The following TP73 variants were observed in gnomAD, a reference collection of about 807,000 sequenced individuals.
TP73 encodes p53-like transcription factor.
In TP73, 25 loss-of-function variants were observed where a neutral mutation model predicts 62.5. The ratio of observed to expected loss-of-function variants is 0.40; its 90% CI spans 0.29 to 0.56. The LOEUF (loss-of-function observed/expected upper bound fraction) is 0.56, where lower values mean the gene tolerates loss of function less well. Ranked by LOEUF, TP73 falls within the 20% of genes least tolerant of loss-of-function variation. TP73 has a pLI of 0.46. For synonymous variants in TP73, 423 were observed against 377.5 expected (o/e 1.12, Z -1.40); for missense variants, 754 against 913.3 (o/e 0.83, Z 2.25).
chr1:3,668,230 C>T (rs1402214249), intron 1 of TP73, among the ~76,000 whole-genome samples: 3 of 152,204 alleles, frequency 2.0e-5, no homozygotes, highest in East Asian at 3.9e-4. Context: ...CCCATGGATA[C>T]ACTTTCCAAA....
At chr1:3,708,046 C>T (rs551824130) in intron 4 of TP73, 9 of 589,158 alleles carry the variant, frequency 1.5e-5, no homozygotes, top group Admixed American at 3.1e-5. Context: ...CGGACTTGGC[C>T]CTGCTGGTGA....
chr1:3,667,857 G>A (rs1451181250), intron 1 of TP73, among the ~76,000 whole-genome samples: 1 of 152,342 alleles, frequency 6.6e-6, no homozygotes, highest in Non-Finnish European at 1.5e-5. Flanking sequence ...TAGGGCAGGG[G>A]AGTTCAGGAA....
chr1:3,667,488 C>A (rs527270378), intron 1 of TP73, among the ~76,000 whole-genome samples: 1 of 152,206 alleles, frequency 6.6e-6, no homozygotes, highest in Non-Finnish European at 1.5e-5. Context: ...CGGTGGCTCA[C>A]GCTTGCAATC....
intron 4 of TP73, among the ~76,000 whole-genome samples, chr1:3,713,229 T>G (rs1640307339): frequency 6.6e-6 from 1 of 152,208 alleles, no homozygotes; most frequent in Non-Finnish European, 1.5e-5. Flanking sequence ...TCAAGAACGC[T>G]TTATCACTGG....
intron 4 of TP73, among the ~76,000 whole-genome samples, chr1:3,718,521 G>T (rs1640800984): frequency 6.6e-6 from 1 of 152,166 alleles, no homozygotes; most frequent in African/African-American, 2.4e-5. Context: ...CTCAGGCTCC[G>T]CAGAGGACTA....
At chr1:3,681,127 C>T (rs3819955) in intron 1 of TP73, among the ~76,000 whole-genome samples, 24,270 of 152,122 alleles carry the variant, frequency 0.16, 2,363 homozygotes, top group South Asian at 0.28. Flanking sequence ...CTCCAGGGCC[C>T]GGCACGTGGC....
chr1:3,725,764 G>A (rs1287602708), intron 6 of TP73, among the ~76,000 whole-genome samples: 1 of 23,320 alleles, frequency 4.3e-5, no homozygotes, highest in Non-Finnish European at 1.1e-4. Flanking sequence ...GATGGATGGG[G>A]TGGGGGGGTG....
At chr1:3,693,314 G>A (rs1390159734) in intron 3 of TP73, among the ~76,000 whole-genome samples, 1 of 152,232 alleles carries the variant, frequency 6.6e-6, no homozygotes, top group Non-Finnish European at 1.5e-5. Flanking sequence ...TTGTATTGGA[G>A]TTGGTGGCTT....
rs923303944 is a variant in TP73, at chr1:3,690,797, C to T, written c.186+7617C>T. 1.8e-5 allele frequency: 28 copies of T among 1,528,360 alleles called. No homozygotes were observed. The East Asian group carries it at 3.2e-4, about 18-fold the overall frequency. 94.7% of individuals were successfully genotyped at this position (1,528,360 alleles called of 1,614,324 possible). ...TGCGGAGCCTCTCCCGCTCGGTCCA[C>T]GCTGCCGGGCGGCCACGACCGTGAC... On this transcript the variant is annotated intron_variant, in intron 3 of 13. Transcript: ENST00000378295.
At chr1:3,722,276 C>A in intron 5 of TP73, 69 bp downstream of exon 5, 1 of 1,556,142 alleles carries the variant, frequency 6.4e-7, no homozygotes. Context: ...CAGCCGGGGG[C>A]TGCCTAACTG....
At chr1:3,684,437 C>T (rs1288455405) in intron 3 of TP73, among the ~76,000 whole-genome samples, 1 of 152,230 alleles carries the variant, frequency 6.6e-6, no homozygotes, top group Non-Finnish European at 1.5e-5. Context: ...AGTCCCCATT[C>T]CAGGAGCTGG....
intron 3 of TP73, among the ~76,000 whole-genome samples, chr1:3,694,121 A>C (rs77427188): frequency 1.8e-3 from 5 of 2,816 alleles, no homozygotes; most frequent in Admixed American, 3.1e-3. Context: ...AATCCCAGCC[A>C]TGCAGCCTCA....
chr1:3,684,171 C>A lies in TP73; in HGVS notation c.186+991C>A, dbSNP rs1389484907. On this transcript the variant is annotated intron_variant, in intron 3 of 13. Coordinates refer to ENST00000378295, the MANE Select transcript of TP73 (RefSeq NM_005427.4). ...ACCTGGGAGGCCCAGCGAGGCCAGC[C>A]GTCCCCGCTGGACTCGTCAGCTGCT... is the stretch of plus-strand genomic sequence containing the variant. 3.9e-5 allele frequency among the ~76,000 whole-genome samples: 6 copies of A among 152,328 alleles called. No individual in the cohort carries two copies. In the East Asian group the frequency reaches 9.6e-4, roughly 24 times the overall value.
At chr1:3,720,179 G>C (rs1640955755) in intron 4 of TP73, among the ~76,000 whole-genome samples, 1 of 152,244 alleles carries the variant, frequency 6.6e-6, no homozygotes, top group African/African-American at 2.4e-5. Flanking sequence ...GCCTCCCAAA[G>C]TGCTGGGATT....
chr1:3,685,609 C>G (rs1645633350), intron 3 of TP73, among the ~76,000 whole-genome samples: 1 of 152,200 alleles, frequency 6.6e-6, no homozygotes. Flanking sequence ...ATGGGAGCGC[C>G]AGGTACAAAG....
At chr1:3,689,382 G>T (rs1381727249) in intron 3 of TP73, among the ~76,000 whole-genome samples, 1 of 152,222 alleles carries the variant, frequency 6.6e-6, no homozygotes, top group Non-Finnish European at 1.5e-5. Flanking sequence ...GCCACAGGAA[G>T]AGACGGGCGT....
intron 6 of TP73, among the ~76,000 whole-genome samples, chr1:3,724,723 C>T (rs889940863): frequency 3.9e-5 from 6 of 152,220 alleles, no homozygotes; most frequent in Non-Finnish European, 5.9e-5. Flanking sequence ...CATTGATCAA[C>T]GGTTTTGGTT....
intron 1 of TP73, among the ~76,000 whole-genome samples, chr1:3,680,481 T>C (rs1206938028): frequency 6.6e-6 from 1 of 152,132 alleles, no homozygotes; most frequent in African/African-American, 2.4e-5. Context: ...GGCAAAACCT[T>C]CCCAGGCTTG....
At chr1:3,700,318 G>T (rs929365528) in intron 3 of TP73, among the ~76,000 whole-genome samples, 1 of 152,066 alleles carries the variant, frequency 6.6e-6, no homozygotes, top group Admixed American at 6.6e-5. Flanking sequence ...AATACGTTCC[G>T]TTCTGGACAG....
Sources: gnomAD v4.1 joint callset for allele counts (sites outside exome capture counted in the v4.1 genomes callset) on GRCh38, gnomAD v4.1.1 for gene constraint, MANE v1.5 for transcripts, NCBI Gene and HGNC (gene_info 2026-07-23, HGNC 2026-07-21) for gene names.